MYO16: variants seen among roughly 807,000 people sequenced by gnomAD.
MYO16 encodes the protein unconventional myosin-XVI.
In MYO16, 94 loss-of-function variants were observed where a neutral mutation model predicts 205.3. The observed-to-expected ratio is 0.46, with a 90% CI of 0.39 to 0.54. MYO16 has a LOEUF of 0.54. MYO16 is among the 20% of genes least tolerant of loss of function. MYO16 has a pLI of 0.00. For synonymous variants in MYO16, 988 were observed against 954.0 expected (o/e 1.04, Z -0.66); for missense variants, 2,315 against 2,387.5 (o/e 0.97, Z 0.63).
chr13:108,993,442 G>C (rs1038451682), intron 21 of MYO16, among the ~76,000 whole-genome samples: 1 of 152,122 alleles, frequency 6.6e-6, no homozygotes, highest in Non-Finnish European at 1.5e-5. Context: ...ACCCGTTACT[G>C]TTGCAAATGG....
intron 15 of MYO16, among the ~76,000 whole-genome samples, chr13:108,906,068 G>A (rs747474994): frequency 6.6e-6 from 1 of 152,132 alleles, no homozygotes; most frequent in Non-Finnish European, 1.5e-5. Flanking sequence ...GTCCAAGGGG[G>A]ATAACCATCA....
chr13:109,007,319 C>T (rs1327407599), intron 21 of MYO16, among the ~76,000 whole-genome samples: 1 of 151,174 alleles, frequency 6.6e-6, no homozygotes, highest in Non-Finnish European at 1.5e-5. Flanking sequence ...ACCCGTGAGG[C>T]GGAGCTTGCA....
intron 34 of MYO16, among the ~76,000 whole-genome samples, chr13:109,200,079 T>C (rs1485568216): frequency 6.6e-6 from 1 of 152,222 alleles, no homozygotes; most frequent in Admixed American, 6.5e-5. Context: ...AGATTAAATA[T>C]TGTTAAGGAG....
At chr13:109,118,331 A>G (rs1054895784) in intron 28 of MYO16, among the ~76,000 whole-genome samples, 2 of 152,188 alleles carry the variant, frequency 1.3e-5, no homozygotes, top group African/African-American at 4.8e-5. Context: ...TGCTCAAGAT[A>G]AACCTCCTTT....
chr13:108,840,691 C>T lies in MYO16; in HGVS notation c.1098-3652C>T, dbSNP rs115834208. Reference sequence around the variant, plus strand: ...TAGCTGGGACTACAGGCATGCACCACCACAGCTGGCTAACTTTTTACTTTT... The same window carrying T: ...TAGCTGGGACTACAGGCATGCACCATCACAGCTGGCTAACTTTTTACTTTT... On this transcript the variant is annotated intron_variant, in intron 9 of 34. Transcript: ENST00000457511. Among the ~76,000 whole-genome samples the T allele has an allele frequency of 4.2e-3, 633 of 152,268 alleles. 3 individuals carry two copies. Among genetic ancestry groups the T allele is most frequent in the African/African-American group, 0.014 (580 of 41,544 alleles).
the MYO16 span, among the ~76,000 whole-genome samples, chr13:108,579,162 C>T: frequency 6.6e-6 from 1 of 152,076 alleles, no homozygotes; most frequent in Non-Finnish European, 1.5e-5. Flanking sequence ...AGAGTGGTGG[C>T]CCATGCCCTG....
intron 1 of MYO16, among the ~76,000 whole-genome samples, chr13:108,636,746 T>C (rs16972841): frequency 0.049 from 7,389 of 152,278 alleles, 246 homozygotes; most frequent in African/African-American, 0.084. Flanking sequence ...TTTAAAAATG[T>C]ATTATAATAA....
At chr13:108,824,302 G>A (rs1876141648) in intron 9 of MYO16, among the ~76,000 whole-genome samples, 1 of 152,148 alleles carries the variant, frequency 6.6e-6, no homozygotes, top group Non-Finnish European at 1.5e-5. Context: ...GACAAACATG[G>A]AAAACTTTAT....
chr13:108,749,029 G>A (rs745446903), intron 4 of MYO16, among the ~76,000 whole-genome samples: 33 of 151,880 alleles, frequency 2.2e-4, no homozygotes, highest in Admixed American at 2.0e-3. Flanking sequence ...TTTCAGTTTG[G>A]CAGGGTTTTT....
At chr13:108,643,456 A>G (rs1224180990) in intron 1 of MYO16, among the ~76,000 whole-genome samples, 2 of 152,242 alleles carry the variant, frequency 1.3e-5, no homozygotes, top group East Asian at 3.8e-4. Flanking sequence ...TAAAGTTACT[A>G]TGAAGAATCC....
chr13:109,097,127 C>G (rs1007883563), intron 27 of MYO16, among the ~76,000 whole-genome samples: 1 of 152,138 alleles, frequency 6.6e-6, no homozygotes, highest in South Asian at 2.1e-4. Flanking sequence ...GTCAGCAGTT[C>G]GAGACTAGCC....
At chr13:108,538,315 A>G in the MYO16 span, among the ~76,000 whole-genome samples, 3 of 152,150 alleles carry the variant, frequency 2.0e-5, no homozygotes, top group African/African-American at 2.4e-5. Context: ...GTAATCAGAG[A>G]CTAGAAAGAT....
chr13:108,811,515 C>T (rs979258223), intron 7 of MYO16, among the ~76,000 whole-genome samples: 6 of 148,532 alleles, frequency 4.0e-5, no homozygotes, highest in Admixed American at 2.8e-4. Flanking sequence ...GGGGCTGTCT[C>T]TTTTTTTCTG....
intron 20 of MYO16, among the ~76,000 whole-genome samples, chr13:108,968,039 T>C (rs1433891166): frequency 6.6e-6 from 1 of 152,218 alleles, no homozygotes; most frequent in Non-Finnish European, 1.5e-5. Flanking sequence ...TATGCGAATG[T>C]CATTATTACA....
rs939715225 is a variant in MYO16, at chr13:109,002,047, A to T, written c.2443-6850A>T. Among the ~76,000 whole-genome samples the T allele has an allele frequency of 5.9e-5, 9 of 152,188 alleles. 1 individual carries two copies. The highest frequency in any genetic ancestry group is 1.2e-4 in the Non-Finnish European group (8 of 68,038). On this transcript the variant is annotated intron_variant, in intron 21 of 34. Coordinates refer to ENST00000457511, the MANE Select transcript of MYO16 (RefSeq NM_001198950.3). ...CATTCTCAGTTCTATGATCTATCTC[A>T]GTGTGTTCAACCATGTCTACCCATT...
intron 3 of MYO16, among the ~76,000 whole-genome samples, chr13:108,721,773 C>T (rs550348881): frequency 8.5e-5 from 13 of 152,306 alleles, no homozygotes; most frequent in Admixed American, 3.3e-4. Flanking sequence ...CTACACTGGA[C>T]AAGGCTGCAG....
At chr13:108,852,115 C>T (rs192412783) in intron 10 of MYO16, among the ~76,000 whole-genome samples, 6 of 152,302 alleles carry the variant, frequency 3.9e-5, no homozygotes, top group African/African-American at 7.2e-5. Flanking sequence ...TCTTCAAAGA[C>T]GACTTCTCAG....
chr13:108,714,249 G>T (rs1001999801), intron 3 of MYO16, among the ~76,000 whole-genome samples: 1 of 152,108 alleles, frequency 6.6e-6, no homozygotes, highest in African/African-American at 2.4e-5. Context: ...TAGAGATGGG[G>T]TTTCACCATG....
At chr13:108,599,046 G>A (rs1259976887) in intron 1 of MYO16, among the ~76,000 whole-genome samples, 4 of 140,296 alleles carry the variant, frequency 2.9e-5, no homozygotes, top group African/African-American at 1.1e-4. Context: ...CTGTGTCCGT[G>A]TGTTCTCATT....
Sources: allele counts gnomAD v4.1 joint callset (sites outside exome capture counted in the v4.1 genomes callset), GRCh38; gene constraint gnomAD v4.1.1; transcripts MANE v1.5; gene names NCBI Gene and HGNC (gene_info 2026-07-23, HGNC 2026-07-21).